The following ZNF790 variants were observed in gnomAD, a reference collection of about 807,000 sequenced individuals.
The protein encoded by ZNF790 is zinc finger protein 790.
In ZNF790, 8 loss-of-function variants were observed where a neutral mutation model predicts 12.1. The ratio of observed to expected loss-of-function variants is 0.66; its 90% confidence interval spans 0.39 to 1.19. The LOEUF (loss-of-function observed/expected upper bound fraction) is 1.19. Ranked by LOEUF, ZNF790 falls within the 50% of genes most tolerant of loss-of-function variation. The pLI, the probability that ZNF790 is intolerant of heterozygous loss-of-function variation, is 0.01. For synonymous variants in ZNF790, 252 were observed against 244.3 expected (o/e 1.03, Z -0.29); for missense variants, 707 against 752.2 (o/e 0.94, Z 0.70).
intron 1 of ZNF790, among the ~76,000 whole-genome samples, chr19:36,828,612 G>A (rs1247562912): frequency 2.6e-5 from 4 of 152,124 alleles, no homozygotes; most frequent in Non-Finnish European, 5.9e-5. Flanking sequence ...GAATAGGGTG[G>A]GACTACAGGA....
intron 1 of ZNF790, chr19:36,827,531 G>A (rs78497720): frequency 0.02 from 3,055 of 153,514 alleles, 77 homozygotes; most frequent in African/African-American, 0.051. Context: ...AGAATTCTCC[G>A]AAACAGCACT....
chr19:36,823,745 A>G lies in ZNF790; in HGVS notation c.55T>C (p.Trp19Arg), dbSNP rs773715749. 3.7e-6 allele frequency: 6 copies of G among 1,613,032 alleles called. No individual in the cohort carries two copies. The highest frequency in any genetic ancestry group is 4.2e-6 in the Non-Finnish European group (5 of 1,179,626). Residue 19 changes from tryptophan (W) to arginine (R), a missense_variant, in exon 3 of 5, where the codon TGG becomes CGG. Physicochemically the swap from Trp to Arg is moderately radical, Grantham distance 101. Transcript: ENST00000356725. ...DVAVDFSQEE[W>R]ECLDLEQRDL... ...CTCTGTTCCAGGTCCAGGCACTCCCACTCCTCCTGAGAGAAATCTACAGCC... is the reference window on the plus strand; with the variant it reads ...CTCTGTTCCAGGTCCAGGCACTCCCGCTCCTCCTGAGAGAAATCTACAGCC...
chr19:36,844,900 T>G (rs951092944), intron 1 of ZNF790, among the ~76,000 whole-genome samples: 8 of 148,932 alleles, frequency 5.4e-5, no homozygotes, highest in Non-Finnish European at 1.0e-4. Flanking sequence ...TACAAAAAAT[T>G]AGCCGGGCGT....
chr19:36,826,575 C>G (rs893165154), intron 1 of ZNF790, among the ~76,000 whole-genome samples: 1 of 128,154 alleles, frequency 7.8e-6, no homozygotes, highest in Non-Finnish European at 1.6e-5. Flanking sequence ...CAGCGAGACT[C>G]GGTCTCAAAA....
chr19:36,822,371 G>A (rs921108838), intron 4 of ZNF790, among the ~76,000 whole-genome samples: 1 of 152,102 alleles, frequency 6.6e-6, no homozygotes, highest in Non-Finnish European at 1.5e-5. Context: ...GATAAAATAA[G>A]GGCCACTGGA....
At chr19:36,841,875 AGTT>A (rs1008468883), upstream of ZNF790, among the ~76,000 whole-genome samples, 2 of 147,892 alleles carry the variant, frequency 1.4e-5, no homozygotes, top group Non-Finnish European at 3.0e-5. Flanking sequence ...GGAGGGGAGA[AGTT>A]ATTATTATTT....
intron 3 of ZNF790, 138 bp from the exon 4 acceptor site, chr19:36,823,518 G>A: frequency 8.1e-7 from 1 of 1,234,872 alleles, no homozygotes; most frequent in East Asian, 2.4e-5. Flanking sequence ...AGATGGAAGT[G>A]CCCACTGATG....
chr19:36,829,699 C>G (rs1227996649), intron 1 of ZNF790, among the ~76,000 whole-genome samples: 1 of 152,178 alleles, frequency 6.6e-6, no homozygotes, highest in African/African-American at 2.4e-5. Flanking sequence ...TCCCGAGTAG[C>G]TGGGATTACA....
chr19:36,820,996 C>T (rs1276777854), intron 4 of ZNF790, among the ~76,000 whole-genome samples: 1 of 150,004 alleles, frequency 6.7e-6, no homozygotes, highest in Non-Finnish European at 1.5e-5. Context: ...GTGCTGCACC[C>T]ATTAACTCGT....
intron 2 of ZNF790, among the ~76,000 whole-genome samples, chr19:36,825,223 C>T (rs2071771400): frequency 6.6e-6 from 1 of 152,192 alleles, no homozygotes; most frequent in South Asian, 2.1e-4. Flanking sequence ...ACACCAACTC[C>T]CATCTTGATT....
intron 2 of ZNF790, among the ~76,000 whole-genome samples, 200 bp from the exon 3 acceptor site, chr19:36,823,990 C>CCCTTTTTTT (rs1382604008): frequency 1.8e-4 from 19 of 104,468 alleles, no homozygotes; most frequent in Admixed American, 1.2e-3. Context: ...TGTCTACATG[C>CCCTTTTTTT]TCTTTTTTTT....
chr19:36,843,485 C>A (rs1179638915), intron 1 of ZNF790, among the ~76,000 whole-genome samples: 1 of 152,118 alleles, frequency 6.6e-6, no homozygotes, highest in Admixed American at 6.6e-5. Flanking sequence ...GCAGGCAAAC[C>A]AGAAGCACAA....
chr19:36,823,560 C>A, intron 3 of ZNF790, 107 bp downstream of exon 3: 1 of 1,457,364 alleles, frequency 6.9e-7, no homozygotes, highest in Non-Finnish European at 9.4e-7. Flanking sequence ...AAGCGCAAAC[C>A]ATTTTCTAAA....
At chr19:36,822,671 G>C (rs913851842) in intron 4 of ZNF790, among the ~76,000 whole-genome samples, 1 of 152,160 alleles carries the variant, frequency 6.6e-6, no homozygotes, top group Non-Finnish European at 1.5e-5. Context: ...CTCCCGAGTA[G>C]CTGGGACTAC....
chr19:36,823,499 C>T (rs1220170258), intron 3 of ZNF790, 119 bp from the exon 4 acceptor site: 5 of 1,276,136 alleles, frequency 3.9e-6, no homozygotes, highest in Non-Finnish European at 4.4e-6. Flanking sequence ...TAAGTATAAA[C>T]TATGGGAAAG....
chr19:36,839,474 C>A (rs2072109652), upstream of ZNF790, among the ~76,000 whole-genome samples: 1 of 152,174 alleles, frequency 6.6e-6, no homozygotes, highest in Non-Finnish European at 1.5e-5. Flanking sequence ...GATCTAGGCT[C>A]TCTGCAACCT....
upstream of ZNF790, among the ~76,000 whole-genome samples, chr19:36,839,856 A>G (rs1019506947): frequency 6.6e-6 from 1 of 152,026 alleles, no homozygotes; most frequent in Admixed American, 6.6e-5. Flanking sequence ...TGAGGTCAGG[A>G]GTTCGAGACC....
intron 1 of ZNF790, among the ~76,000 whole-genome samples, chr19:36,846,168 C>T (rs577255495): frequency 6.6e-6 from 1 of 152,216 alleles, no homozygotes; most frequent in South Asian, 2.1e-4. Flanking sequence ...TGTCCACTTC[C>T]CCAACTAGAA....
chr19:36,834,243 C>CAAAAAA (rs751627349), intron 1 of ZNF790, among the ~76,000 whole-genome samples: 36 of 34,632 alleles, frequency 1.0e-3, no homozygotes, highest in Middle Eastern at 0.019. Flanking sequence ...AACTCCATCT[C>CAAAAAA]AAAAAAAAAA....
Sources: gnomAD v4.1 joint callset for allele counts (sites outside exome capture counted in the v4.1 genomes callset) on GRCh38, gnomAD v4.1.1 for gene constraint, MANE v1.5 for transcripts, NCBI Gene and HGNC (gene_info 2026-07-23, HGNC 2026-07-21) for gene names.